Variants in KLHDC4 observed in about 807,000 individuals in gnomAD.
The protein encoded by KLHDC4 is kelch domain-containing protein 4.
KLHDC4 carries 90 observed loss-of-function variants against 62.4 expected under a neutral mutation model. The observed-to-expected ratio is 1.44, with a 90% confidence interval of 1.22 to 1.72. The LOEUF (loss-of-function observed/expected upper bound fraction) is 1.72. Ranked by LOEUF, KLHDC4 falls within the 40% of genes most tolerant of loss-of-function variation. The pLI is 0.00. For synonymous variants in KLHDC4, 386 were observed against 284.4 expected (o/e 1.36, Z -3.59); for missense variants, 1,025 against 699.7 (o/e 1.47, Z -5.25).
At chr16:87,745,897 C>T (rs552106541) in intron 5 of KLHDC4, among the ~76,000 whole-genome samples, 1 of 152,314 alleles carries the variant, frequency 6.6e-6, no homozygotes, top group South Asian at 2.1e-4. Context: ...TAAGGCTCAA[C>T]ATTAGGCATC....
intron 4 of KLHDC4, among the ~76,000 whole-genome samples, chr16:87,752,135 A>C (rs1293005382): frequency 7.7e-6 from 1 of 130,390 alleles, no homozygotes; most frequent in Admixed American, 7.8e-5. Context: ...GGCCAGGCAC[A>C]GTGGCTCACG....
chr16:87,757,013 C>T (rs2045057188), intron 2 of KLHDC4, among the ~76,000 whole-genome samples: 1 of 151,908 alleles, frequency 6.6e-6, no homozygotes, highest in Non-Finnish European at 1.5e-5. Context: ...TGGGGTTTCA[C>T]TGCATTGGCC....
intron 6 of KLHDC4, among the ~76,000 whole-genome samples, chr16:87,727,708 C>T (rs1019192859): frequency 2.0e-5 from 3 of 152,150 alleles, no homozygotes; most frequent in South Asian, 2.1e-4. Context: ...ATCGTGAAAG[C>T]GTAAGGGGCT....
At chr16:87,746,192 C>T (rs2043006677) in intron 5 of KLHDC4, among the ~76,000 whole-genome samples, 1 of 151,966 alleles carries the variant, frequency 6.6e-6, no homozygotes, top group South Asian at 2.1e-4. Context: ...ACCACTTGAG[C>T]CCAGGAGTTT....
chr16:87,712,747 A>C (rs907563939), intron 8 of KLHDC4, among the ~76,000 whole-genome samples: 6 of 152,184 alleles, frequency 3.9e-5, no homozygotes, highest in Middle Eastern at 3.2e-3. Flanking sequence ...CAGCATGAGG[A>C]ATTTTAGTGC....
intron 7 of KLHDC4, among the ~76,000 whole-genome samples, chr16:87,724,191 A>G (rs774208040): frequency 8.5e-5 from 13 of 152,322 alleles, no homozygotes; most frequent in Non-Finnish European, 1.8e-4. Context: ...TACATGGGGG[A>G]AACAGCCTCA....
At chr16:87,746,440 C>T (rs2143021565) in intron 5 of KLHDC4, among the ~76,000 whole-genome samples, 1 of 152,188 alleles carries the variant, frequency 6.6e-6, no homozygotes, top group South Asian at 2.1e-4. Flanking sequence ...CCCTCCATTC[C>T]CTGACCTCCA....
Position 87,755,181 on chromosome 16 carries a change from G to C in KLHDC4, c.369+13C>G. ...GAAGAGGGAGGGTGGCTGAGAGTCA[G>C]TGCTGACATTACCTGGTGAGCACAG... On this transcript the variant is annotated intron_variant, in intron 4 of 11. Coordinates refer to ENST00000270583, the MANE Select transcript of KLHDC4 (RefSeq NM_017566.4). 4 of 1,578,340 alleles carry C rather than the reference G, an allele frequency of 2.5e-6. No individual in the cohort carries two copies. Among genetic ancestry groups the C allele is most frequent in the South Asian group, 2.2e-5 (2 of 90,376 alleles).
chr16:87,733,843 C>T (rs1464980243), intron 5 of KLHDC4, among the ~76,000 whole-genome samples: 1 of 152,224 alleles, frequency 6.6e-6, no homozygotes, highest in Non-Finnish European at 1.5e-5. Flanking sequence ...GGCTTTCACA[C>T]CCACTCTCTG....
intron 1 of KLHDC4, among the ~76,000 whole-genome samples, chr16:87,762,728 C>G (rs1388341064): frequency 6.6e-6 from 1 of 152,158 alleles, no homozygotes; most frequent in Non-Finnish European, 1.5e-5. Flanking sequence ...ACTGATGTGC[C>G]AGCACAGAGG....
chr16:87,706,963 A>G (rs969289254), downstream of KLHDC4, among the ~76,000 whole-genome samples: 1 of 152,212 alleles, frequency 6.6e-6, no homozygotes, highest in African/African-American at 2.4e-5. Flanking sequence ...CTCCGCCAGG[A>G]GGGAAGTCTC....
rs1488989503 is a variant in KLHDC4, at chr16:87,761,832, T to C, written c.191+117A>G. 4.0e-6 allele frequency: 4 copies of C among 989,490 alleles called. No individual in the cohort carries two copies. In the East Asian group the frequency reaches 9.7e-5, roughly 24 times the overall value. 61.3% of individuals were successfully genotyped at this position (989,490 alleles called of 1,614,324 possible). A position where few individuals can be genotyped will look rare whatever the true frequency, so the allele number is the denominator to read the frequency against. On this transcript the variant is annotated intron_variant, in intron 2 of 11. Transcript: ENST00000270583. ...GCAGAAAGTGACCAAGAACAGGTTT[T>C]AATAATGAAAATGTCCCAAGTGCCT...
intron 2 of KLHDC4, among the ~76,000 whole-genome samples, chr16:87,759,035 C>T (rs1483210573): frequency 1.3e-5 from 2 of 152,040 alleles, no homozygotes; most frequent in Non-Finnish European, 2.9e-5. Flanking sequence ...ATTAGCCAGG[C>T]ATGGTGGCGC....
intron 4 of KLHDC4, among the ~76,000 whole-genome samples, chr16:87,754,767 G>A (rs990795605): frequency 2.6e-5 from 4 of 152,194 alleles, no homozygotes; most frequent in African/African-American, 7.2e-5. Flanking sequence ...AGCTAACCAC[G>A]TGCTAAGTCA....
chr16:87,708,427 T>C lies in KLHDC4; in HGVS notation c.1487A>G (p.Asp496Gly). The C allele has an allele frequency of 6.2e-7, 1 of 1,611,490 alleles. No homozygotes were observed. The highest frequency in any genetic ancestry group is 8.5e-7 in the Non-Finnish European group (1 of 1,179,172). ...EWLEETDSEE[D>G]SEEVEGAEGG... ...CTCGGCGCCCTCAACCTCCTCACTG[T>C]CCTCTTCCGAGTCCGTCTCCTCCAG... Residue 496 changes from aspartate (D) to glycine (G), a missense_variant, in exon 11 of 12, where the codon GAC becomes GGC. Physicochemically the swap from Asp to Gly is moderately conservative, Grantham distance 94. Coordinates refer to ENST00000270583, the MANE Select transcript of KLHDC4 (RefSeq NM_017566.4).
chr16:87,711,147 A>C (rs892386200), intron 9 of KLHDC4, 88 bp downstream of exon 9: 42 of 1,430,604 alleles, frequency 2.9e-5, no homozygotes, highest in Non-Finnish European at 3.4e-5. Flanking sequence ...GGGCCCCAAT[A>C]CCAAAAGGTG....
At chr16:87,701,264 A>C (rs1036278159) in exon 1 of KLHDC4, 26 of 230,042 alleles carry the variant, frequency 1.1e-4, no homozygotes, top group African/African-American at 2.3e-5. Flanking sequence ...TGCAGACGGG[A>C]AGTCAACGCC....
At chr16:87,758,109 C>A (rs1227333696) in intron 2 of KLHDC4, among the ~76,000 whole-genome samples, 10 of 152,166 alleles carry the variant, frequency 6.6e-5, no homozygotes, top group Non-Finnish European at 1.3e-4. Context: ...TCTGAGAACT[C>A]TATTTTCTAT....
intron 4 of KLHDC4, among the ~76,000 whole-genome samples, chr16:87,753,303 TAC>T (rs1251114020): frequency 6.6e-6 from 1 of 152,146 alleles, no homozygotes; most frequent in Non-Finnish European, 1.5e-5. Context: ...TATCAGAGCT[TAC>T]ACAGGGCTTG....
Sources: allele counts gnomAD v4.1 joint callset (sites outside exome capture counted in the v4.1 genomes callset), GRCh38; gene constraint gnomAD v4.1.1; transcripts MANE v1.5; gene names NCBI Gene and HGNC (gene_info 2026-07-23, HGNC 2026-07-21).